The following ADAM29 variants were observed in gnomAD, a reference collection of about 807,000 sequenced individuals.
ADAM29 encodes the protein disintegrin and metalloproteinase domain-containing protein 29.
For synonymous variants in ADAM29, 367 were observed against 342.3 expected, an observed-to-expected ratio of 1.07 and a Z score of -0.80; for missense variants, 969 against 1,001.8, an observed-to-expected ratio of 0.97 and a Z score of 0.44.
At chr4:174,937,373 A>T (rs1486351735) in intron 4 of ADAM29, among the ~76,000 whole-genome samples, 1 of 152,064 alleles carries the variant, frequency 6.6e-6, no homozygotes, top group Non-Finnish European at 1.5e-5. Flanking sequence ...TTTAAAAATC[A>T]TATTACTTTG....
intron 4 of ADAM29, among the ~76,000 whole-genome samples, chr4:174,948,880 G>A (rs905381190): frequency 1.3e-5 from 2 of 152,078 alleles, no homozygotes; most frequent in Non-Finnish European, 1.5e-5. Context: ...TCACATCGGC[G>A]GTGGCAAAGC....
intron 2 of ADAM29, among the ~76,000 whole-genome samples, chr4:174,928,699 C>T (rs1743671042): frequency 6.6e-6 from 1 of 151,824 alleles, no homozygotes; most frequent in South Asian, 2.1e-4. Context: ...TTTTTAATGA[C>T]AAAGTACTAG....
chr4:174,945,964 G>A, intron 4 of ADAM29, among the ~76,000 whole-genome samples: 1 of 152,014 alleles, frequency 6.6e-6, no homozygotes, highest in East Asian at 1.9e-4. Context: ...GAATTGCCTT[G>A]ACTATTTGAG....
chr4:174,964,770 C>G (rs1303245906), intron 4 of ADAM29, among the ~76,000 whole-genome samples: 1 of 152,028 alleles, frequency 6.6e-6, no homozygotes, highest in Non-Finnish European at 1.5e-5. Flanking sequence ...GAGTAAAACT[C>G]TTAACATAGA....
chr4:174,931,012 A>C lies in ADAM29; in HGVS notation c.-424A>C, dbSNP rs1487603541. 1 of 151,624 alleles carries C rather than the reference A, an allele frequency of 6.6e-6. No homozygotes were observed. The allele number at this position is 151,624 out of a possible 1,614,324, so 9.4% of individuals were successfully genotyped here. On this transcript the variant is annotated 5_prime_UTR_variant, in exon 3 of 5. Transcript: ENST00000359240. ...TTAGAGTACAAAACATTCTCCCTGC[A>C]GTCTCACGAACTGTGAACAAAAACT...
chr4:174,978,133 C>G lies in ADAM29; in HGVS notation c.*145C>G. ...TAAACAAAAGCAATCAGTACCAATT[C>G]CAAAAACTGTATCCAGAAAAGGTAC... On this transcript the variant is annotated 3_prime_UTR_variant, in exon 5 of 5. Transcript: ENST00000359240. 7.7e-7 allele frequency: 1 copy of G among 1,292,896 alleles called. No homozygotes were observed. Among genetic ancestry groups the G allele is most frequent in the South Asian group, 1.4e-5 (1 of 69,012 alleles). The allele number at this position is 1,292,896 out of a possible 1,614,324, so 80.1% of individuals were successfully genotyped here.
At chr4:174,960,990 C>T (rs4608789) in intron 4 of ADAM29, among the ~76,000 whole-genome samples, 66,457 of 151,922 alleles carry the variant, frequency 0.44, 15,460 homozygotes, top group African/African-American at 0.6. Flanking sequence ...AGTAACTTTA[C>T]GTTAACTGAT....
chr4:174,956,904 C>T (rs937176571), intron 4 of ADAM29, among the ~76,000 whole-genome samples: 1 of 151,848 alleles, frequency 6.6e-6, no homozygotes, highest in Non-Finnish European at 1.5e-5. Context: ...TCCTAAAAGT[C>T]ATGTTCCATA....
In ADAM29 at chr4:174,942,950, A is replaced by G. The variant is rs541973092; in HGVS notation, c.-181+5937A>G. Among the ~76,000 whole-genome samples, 29 of 152,324 alleles carry G rather than the reference A, an allele frequency of 1.9e-4. No homozygotes were observed. The South Asian group carries it at 5.0e-3, about 26-fold the overall frequency. On this transcript the variant is annotated intron_variant, in intron 4 of 4. Coordinates refer to ENST00000359240, the MANE Select transcript of ADAM29 (RefSeq NM_014269.4). ...ACACTTTCAGAAAAAGCCAGGTCACATCTTGAGTACTTTGCTGCTTAGAAA... is the reference window on the plus strand; with the variant it reads ...ACACTTTCAGAAAAAGCCAGGTCACGTCTTGAGTACTTTGCTGCTTAGAAA...
intron 1 of ADAM29, chr4:174,918,845 GT>G (rs1214265351): frequency 6.6e-6 from 1 of 152,102 alleles, no homozygotes; most frequent in Non-Finnish European, 1.5e-5. Context: ...CTTCTCTGTA[GT>G]AACAAATTCA....
chr4:174,977,596 T>C lies in ADAM29; in HGVS notation c.2071T>C (p.Leu691=). The C allele has an allele frequency of 6.2e-7, 1 of 1,606,958 alleles. No homozygotes were observed. The highest frequency in any genetic ancestry group is 8.5e-7 in the Non-Finnish European group (1 of 1,175,836). ...ILLLIVLFIL[L]CCLYRLCKKS... ...GTTGCTTATTGTTTTGTTTATTTTA[T>C]TATGTTGTCTTTATCGACTTTGTAA... The change falls in exon 5 of 5, where the codon TTA becomes CTA. Residue 691 remains leucine, a synonymous_variant. Coordinates refer to ENST00000359240, the MANE Select transcript of ADAM29 (RefSeq NM_014269.4).
At chr4:174,956,551 A>G (rs113202617) in intron 4 of ADAM29, among the ~76,000 whole-genome samples, 172 of 151,544 alleles carry the variant, frequency 1.1e-3, no homozygotes, top group African/African-American at 4.1e-3. Flanking sequence ...AATGAATAAG[A>G]GCTATAGAAT....
At chr4:174,973,301 G>A (rs572650148) in intron 4 of ADAM29, among the ~76,000 whole-genome samples, 2 of 152,270 alleles carry the variant, frequency 1.3e-5, no homozygotes, top group African/African-American at 4.8e-5. Context: ...CAATGACTGG[G>A]TGAAGCTGGG....
At chr4:174,941,743 C>T (rs1316944413) in intron 4 of ADAM29, among the ~76,000 whole-genome samples, 1 of 152,164 alleles carries the variant, frequency 6.6e-6, no homozygotes, top group Non-Finnish European at 1.5e-5. Flanking sequence ...CCTCACAAAT[C>T]TCATGTCCTT....
chr4:174,956,657 CT>C (rs937145222), intron 4 of ADAM29, among the ~76,000 whole-genome samples: 1 of 151,768 alleles, frequency 6.6e-6, no homozygotes, highest in Non-Finnish European at 1.5e-5. Flanking sequence ...ACAGAAAACA[CT>C]TGTTTTTTCT....
In ADAM29 at chr4:174,930,061, T is replaced by C. The variant is rs555594638; in HGVS notation, c.-450-925T>C. Reference sequence around the variant, plus strand: ...CTCCTGCCTCAGCCTCCCGAGTAGCTGGGACTACAGGCGCCTGCCACCATG... The same window carrying C: ...CTCCTGCCTCAGCCTCCCGAGTAGCCGGGACTACAGGCGCCTGCCACCATG... On this transcript the variant is annotated intron_variant, in intron 2 of 4. Coordinates refer to ENST00000359240, the MANE Select transcript of ADAM29 (RefSeq NM_014269.4). Among the ~76,000 whole-genome samples the C allele has an allele frequency of 9.9e-5, 15 of 152,280 alleles. 1 individual carries two copies. In the East Asian group the frequency reaches 2.7e-3, roughly 27 times the overall value.
chr4:174,962,485 C>T (rs1745893338), intron 4 of ADAM29, among the ~76,000 whole-genome samples: 1 of 147,222 alleles, frequency 6.8e-6, no homozygotes, highest in Non-Finnish European at 1.5e-5. Flanking sequence ...GCACTCCAGC[C>T]TGGGCGACAG....
At chr4:174,944,729 T>A (rs1487274789) in intron 4 of ADAM29, among the ~76,000 whole-genome samples, 1 of 152,190 alleles carries the variant, frequency 6.6e-6, no homozygotes, top group East Asian at 1.9e-4. Context: ...CTATCCTTTG[T>A]GTCCATGTGT....
intron 4 of ADAM29, among the ~76,000 whole-genome samples, chr4:174,952,114 A>G (rs1266283852): frequency 6.6e-6 from 1 of 152,184 alleles, no homozygotes; most frequent in African/African-American, 2.4e-5. Flanking sequence ...TCAAAACATC[A>G]TATTGTATAA....
Sources: allele counts gnomAD v4.1 joint callset (sites outside exome capture counted in the v4.1 genomes callset), GRCh38; gene constraint gnomAD v4.1.1; transcripts MANE v1.5; gene names NCBI Gene and HGNC (gene_info 2026-07-23, HGNC 2026-07-21).